TRPM6: variants seen among roughly 807,000 people sequenced by gnomAD.
The protein encoded by TRPM6 is transient receptor potential cation channel subfamily M member 6, also known as channel kinase 2.
TRPM6 carries 111 observed loss-of-function variants against 247.6 expected under a neutral mutation model. The ratio of observed to expected loss-of-function variants is 0.45; its 90% confidence interval spans 0.38 to 0.52. The LOEUF is 0.52. Among genes scored for constraint, TRPM6 ranks in the 20% least tolerant of loss-of-function variants. The pLI, the probability that TRPM6 is intolerant of heterozygous loss-of-function variation, is 0.00. For missense variants in TRPM6, 2,126 were observed against 2,421.5 expected, an observed-to-expected ratio of 0.88 and a Z score of 2.56; for synonymous variants, 892 against 853.8, an observed-to-expected ratio of 1.04 and a Z score of -0.78.
chr9:74,788,750 G>T lies in TRPM6; in HGVS notation c.2539-8C>A. The T allele has an allele frequency of 1.2e-6, 2 of 1,613,478 alleles. No homozygotes were observed. The highest frequency in any genetic ancestry group is 1.3e-5 in the African/African-American group (1 of 75,016). ...GAATGCCAAATACGCCATCTGTGAG[G>T]GGGACACACATTCCCCAGATGTGAG... On this transcript the variant is annotated splice_region_variant and splice_polypyrimidine_tract_variant and intron_variant, in intron 19 of 38. Transcript: ENST00000360774.
chr9:74,776,037 C>T lies in TRPM6; in HGVS notation c.3249G>A (p.Leu1083=), dbSNP rs201136089. 5.7e-5 allele frequency: 92 copies of T among 1,614,038 alleles called. No individual in the cohort carries two copies. Among genetic ancestry groups the T allele is most frequent in the Middle Eastern group, 1.6e-4 (1 of 6,062 alleles). The change falls in exon 24 of 39, where the codon CTG becomes CTA. Residue 1083 remains leucine (L), a synonymous_variant. Coordinates refer to ENST00000360774, the MANE Select transcript of TRPM6 (RefSeq NM_017662.5). ...YLDMESISNN[L]WKYNRYRYIM... ...TGTAGCGATAGCGGTTGTATTTCCA[C>T]AGGTTATTTGAAATGGATTCCATAT...
chr9:74,762,618 T>C lies in TRPM6; in HGVS notation c.4053A>G (p.Leu1351=), dbSNP rs1826687204. Residue 1351 remains leucine (L), a synonymous_variant, in exon 26 of 39, where the codon CTA becomes CTG. Coordinates refer to ENST00000360774, the MANE Select transcript of TRPM6 (RefSeq NM_017662.5). ...YGQFLLVPSN[L]KRVPFSAETV... ...TTTCTGCTGAAAAAGGAACTCGCTT[T>C]AGATTAGAGGGGACCAGAAGAAACT... 1 of 1,614,098 alleles carries C rather than the reference T, an allele frequency of 6.2e-7. No individual in the cohort carries two copies. Among genetic ancestry groups the C allele is most frequent in the East Asian group, 2.2e-5 (1 of 44,888 alleles).
intron 21 of TRPM6, among the ~76,000 whole-genome samples, chr9:74,783,437 CA>C (rs1028095838): frequency 1.7e-4 from 26 of 152,348 alleles, no homozygotes; most frequent in African/African-American, 6.0e-4. Flanking sequence ...GAAACGTATT[CA>C]AGCCAGTGGG....
intron 36 of TRPM6, chr9:74,737,521 T>C (rs1825732762): frequency 2.3e-6 from 2 of 852,818 alleles, no homozygotes; most frequent in Non-Finnish European, 3.4e-6. Context: ...TTATACCCTC[T>C]ACATATGAAA....
At chr9:74,862,617 T>A (rs1830723094) in intron 1 of TRPM6, among the ~76,000 whole-genome samples, 1 of 152,202 alleles carries the variant, frequency 6.6e-6, no homozygotes, top group Non-Finnish European at 1.5e-5. Flanking sequence ...AATGTGAAAT[T>A]CATTTATGTT....
At chr9:74,869,160 T>C (rs1410960454) in intron 1 of TRPM6, among the ~76,000 whole-genome samples, 2 of 152,136 alleles carry the variant, frequency 1.3e-5, no homozygotes, top group African/African-American at 4.8e-5. Context: ...AGGTAGTTAG[T>C]GTAAGATTCT....
At chr9:74,876,377 C>T (rs932782934) in intron 1 of TRPM6, among the ~76,000 whole-genome samples, 4 of 152,348 alleles carry the variant, frequency 2.6e-5, no homozygotes, top group African/African-American at 9.6e-5. Context: ...GCCACCGCAC[C>T]CAGCCAGGGT....
chr9:74,776,292 G>T, intron 23 of TRPM6: 1 of 505,460 alleles, frequency 2.0e-6, no homozygotes, highest in Non-Finnish European at 3.6e-6. Flanking sequence ...ACAAGCAGAA[G>T]GCAGACATTA....
intron 36 of TRPM6, among the ~76,000 whole-genome samples, chr9:74,733,524 T>G (rs1267844544): frequency 1.3e-5 from 2 of 152,222 alleles, no homozygotes; most frequent in African/African-American, 2.4e-5. Flanking sequence ...TTCTCAGCAA[T>G]TATAAAAGAA....
chr9:74,789,083 T>A lies in TRPM6; in HGVS notation c.2539-341A>T, dbSNP rs150785873. On this transcript the variant is annotated intron_variant, in intron 19 of 38. Coordinates refer to ENST00000360774, the MANE Select transcript of TRPM6 (RefSeq NM_017662.5). ...CAGCAAGCCCAGGAGGAATCACAGG[T>A]CTTCCCCTCCATCTTAAACACAGAA... Among the ~76,000 whole-genome samples, 751 of 152,208 alleles carry A rather than the reference T, an allele frequency of 4.9e-3. 2 individuals carry two copies. Among genetic ancestry groups the A allele is most frequent in the Middle Eastern group, 0.01 (3 of 294 alleles).
intron 1 of TRPM6, chr9:74,887,543 T>G: frequency 2.2e-6 from 3 of 1,361,064 alleles, no homozygotes; most frequent in Non-Finnish European, 2.0e-6. Flanking sequence ...CCCCGCTAGG[T>G]TTCCGCTCTG....
chr9:74,733,840 G>A (rs1016720370), intron 36 of TRPM6, among the ~76,000 whole-genome samples: 2 of 152,174 alleles, frequency 1.3e-5, no homozygotes, highest in Non-Finnish European at 2.9e-5. Context: ...TTACAGGCGT[G>A]AGCCACCATG....
chr9:74,771,791 CAA>C lies in TRPM6; in HGVS notation c.3446_3447del (p.Phe1149Ter). The C allele has an allele frequency of 6.2e-7, 1 of 1,613,832 alleles. No homozygotes were observed. The highest frequency in any genetic ancestry group is 1.6e-4 in the Middle Eastern group (1 of 6,062). On this transcript the variant is annotated frameshift_variant, in exon 25 of 39. Transcript: ENST00000360774. LOFTEE classifies it high-confidence loss of function. Reference sequence around the variant, plus strand: ...AAGTATTTTTCCACGCACTGCTCCTCAAAATCATGAAGTTTTTTCAGATCCTC... The same window carrying C: ...AAGTATTTTTCCACGCACTGCTCCTCAATCATGAAGTTTTTTCAGATCCTC... Reference protein sequence around the residue: ...SKEDLKKLHDFEEQCVEKYFH... With the variant: ...SKEDLKKLHDXEEQCVEKYFH...
chr9:74,738,317 C>T, intron 36 of TRPM6, 90 bp downstream of exon 36: 2 of 1,349,150 alleles, frequency 1.5e-6, no homozygotes, highest in Non-Finnish European at 2.1e-6. Context: ...CTAAATAGAG[C>T]AACTCCATAT....
At chr9:74,860,583 T>G (rs1030995448) in intron 1 of TRPM6, among the ~76,000 whole-genome samples, 1 of 152,122 alleles carries the variant, frequency 6.6e-6, no homozygotes, top group Non-Finnish European at 1.5e-5. Flanking sequence ...GGTCTCAAAC[T>G]CCTGAACTCA....
In TRPM6 at chr9:74,881,731, A is replaced by T. The variant is rs184931221; in HGVS notation, c.33+6093T>A. ...TTTAAAAATCAAAATCATATCATGT[A>T]TCTTCTCAGACCACAAGATAAAGTA... On this transcript the variant is annotated intron_variant, in intron 1 of 38. Transcript: ENST00000360774. Among the ~76,000 whole-genome samples, 20 of 152,328 alleles carry T rather than the reference A, an allele frequency of 1.3e-4. No individual in the cohort carries two copies. In the East Asian group the frequency reaches 3.7e-3, roughly 28 times the overall value.
At position 74,801,939 on chromosome 9, in the gene TRPM6, G is replaced by A; in HGVS notation, c.1968C>T (p.His656=). The A allele has an allele frequency of 6.2e-7, 1 of 1,614,226 alleles. No individual in the cohort carries two copies. The highest frequency in any genetic ancestry group is 8.5e-7 in the Non-Finnish European group (1 of 1,180,042). Residue 656 remains histidine (H), a synonymous_variant, in exon 16 of 39, where the codon CAC becomes CAT. Coordinates refer to ENST00000360774, the MANE Select transcript of TRPM6 (RefSeq NM_017662.5). ...RAMAHEAKES[H]MVDDASEELK... ...ACTCTTCTGAGGCATCATCCACCAT[G>A]TGACTCTCCTTAGCTTCATGGGCCA...
intron 5 of TRPM6, among the ~76,000 whole-genome samples, chr9:74,836,592 A>T (rs1829729824): frequency 6.6e-6 from 1 of 152,196 alleles, no homozygotes; most frequent in South Asian, 2.1e-4. Context: ...TGTGATCCTA[A>T]CACATATCGT....
intron 6 of TRPM6, 42 bp downstream of exon 6, chr9:74,833,956 A>C (rs375321019): frequency 1.2e-6 from 2 of 1,612,026 alleles, no homozygotes; most frequent in African/African-American, 2.7e-5. Context: ...CAATTTGCAC[A>C]CGTGTTCGTT....
Sources: gnomAD v4.1 joint callset for allele counts (sites outside exome capture counted in the v4.1 genomes callset) on GRCh38, gnomAD v4.1.1 for gene constraint, MANE v1.5 for transcripts, NCBI Gene and HGNC (gene_info 2026-07-23, HGNC 2026-07-21) for gene names.